The following TLK1 variants were observed in gnomAD, a reference collection of about 807,000 sequenced individuals.
TLK1 encodes tousled like kinase 1.
In TLK1, 24 loss-of-function variants were observed where a neutral mutation model predicts 105.3. That is an observed-to-expected ratio of 0.23 (90% confidence interval 0.17 to 0.32). The LOEUF is 0.32. Among genes scored for constraint, TLK1 ranks in the 10% least tolerant of loss-of-function variants. The pLI is 1.00. For missense variants in TLK1, 558 were observed against 910.5 expected, an observed-to-expected ratio of 0.61 and a Z score of 4.98; for synonymous variants, 321 against 310.4, an observed-to-expected ratio of 1.03 and a Z score of -0.36.
At chr2:171,029,576 G>A (rs1449860386) in intron 11 of TLK1, among the ~76,000 whole-genome samples, 1 of 152,158 alleles carries the variant, frequency 6.6e-6, no homozygotes, top group Non-Finnish European at 1.5e-5. Context: ...TGACTCTCCT[G>A]CCTCAGTGTT....
intron 8 of TLK1, 64 bp downstream of exon 8, chr2:171,053,697 G>A: frequency 1.5e-6 from 2 of 1,298,462 alleles, no homozygotes; most frequent in Non-Finnish European, 2.1e-6. Flanking sequence ...AGTATTTTCT[G>A]AACAGTTTGA....
intron 12 of TLK1, among the ~76,000 whole-genome samples, chr2:171,017,905 T>G (rs1397458838): frequency 1.3e-5 from 2 of 152,240 alleles, no homozygotes; most frequent in South Asian, 2.1e-4. Flanking sequence ...GTCTTTCATC[T>G]TGTAAGTTAG....
At chr2:171,050,794 T>G (rs1687202073) in intron 8 of TLK1, among the ~76,000 whole-genome samples, 1 of 152,200 alleles carries the variant, frequency 6.6e-6, no homozygotes. Context: ...GTCTGATTAG[T>G]ACAGTGGCAA....
intron 1 of TLK1, among the ~76,000 whole-genome samples, chr2:171,187,370 G>A (rs1575651266): frequency 6.6e-6 from 1 of 152,294 alleles, no homozygotes; most frequent in East Asian, 1.9e-4. Context: ...TGTTTGGCCT[G>A]ATAACTCAGG....
At chr2:170,997,468 A>C (rs191013249) in intron 19 of TLK1, among the ~76,000 whole-genome samples, 7 of 152,294 alleles carry the variant, frequency 4.6e-5, no homozygotes, top group Admixed American at 2.6e-4. Flanking sequence ...AAATATTAGC[A>C]TGTTAACAGA....
In TLK1 at chr2:170,991,981, G is replaced by A. The variant is rs910733089; in HGVS notation, c.*1799C>T. The A allele has an allele frequency of 6.6e-6, 1 of 151,970 alleles. No homozygotes were observed. Among genetic ancestry groups the A allele is most frequent in the African/African-American group, 2.4e-5 (1 of 41,380 alleles). The allele number at this position is 151,970 out of a possible 1,614,324, so 9.4% of individuals were successfully genotyped here. A position where few individuals can be genotyped will look rare whatever the true frequency, so the allele number is the denominator to read the frequency against. On this transcript the variant is annotated 3_prime_UTR_variant, in exon 21 of 21. Coordinates refer to ENST00000431350, the MANE Select transcript of TLK1 (RefSeq NM_012290.5). ...CTTAAACCACTCTTGATGGTTCTAAGTGTTACTTACCCAGGAGTTGCCTTG... is the reference window on the plus strand; with the variant it reads ...CTTAAACCACTCTTGATGGTTCTAAATGTTACTTACCCAGGAGTTGCCTTG...
intron 18 of TLK1, among the ~76,000 whole-genome samples, chr2:171,003,273 CAAAAAAAAAAA>C (rs777049271): frequency 1.9e-3 from 131 of 68,500 alleles, no homozygotes; most frequent in Middle Eastern, 9.8e-3. Flanking sequence ...GACTCCGTCT[CAAAAAAAAAAA>C]AAAAAAAAAA....
At chr2:171,105,513 C>T (rs947797197) in intron 2 of TLK1, among the ~76,000 whole-genome samples, 25 of 152,004 alleles carry the variant, frequency 1.6e-4, no homozygotes, top group African/African-American at 5.8e-4. Context: ...TGGTGAAACG[C>T]CATCTCTACT....
intron 1 of TLK1, among the ~76,000 whole-genome samples, chr2:171,141,201 T>C (rs747636762): frequency 4.6e-5 from 7 of 152,126 alleles, no homozygotes; most frequent in Admixed American, 6.6e-5. Context: ...CGAAGTGATA[T>C]AGTCTGAGAA....
intron 3 of TLK1, among the ~76,000 whole-genome samples, chr2:171,067,889 G>A (rs1265300965): frequency 6.6e-6 from 1 of 152,124 alleles, no homozygotes; most frequent in African/African-American, 2.4e-5. Context: ...TTCTGTTCTT[G>A]TGTTAGTTTG....
At chr2:171,189,927 C>T (rs1030658205) in intron 1 of TLK1, among the ~76,000 whole-genome samples, 2 of 151,010 alleles carry the variant, frequency 1.3e-5, no homozygotes, top group Non-Finnish European at 2.9e-5. Flanking sequence ...AGAGCGAGAC[C>T]CTGTCTCAAA....
chr2:171,170,235 A>C (rs978448586), intron 1 of TLK1, among the ~76,000 whole-genome samples: 12 of 152,388 alleles, frequency 7.9e-5, no homozygotes, highest in African/African-American at 2.6e-4. Flanking sequence ...AATATGTAGT[A>C]AGCAAGCTTG....
intron 3 of TLK1, among the ~76,000 whole-genome samples, chr2:171,063,661 C>G (rs1687859005): frequency 6.6e-6 from 1 of 152,112 alleles, no homozygotes; most frequent in Non-Finnish European, 1.5e-5. Context: ...CAAAATGGTT[C>G]TGTACCATTT....
At chr2:171,147,171 C>T (rs892110692) in intron 1 of TLK1, among the ~76,000 whole-genome samples, 1 of 152,170 alleles carries the variant, frequency 6.6e-6, no homozygotes, top group African/African-American at 2.4e-5. Flanking sequence ...CAAGGACTAA[C>T]TTCATCATAT....
chr2:171,180,951 G>T (rs1692919364), intron 1 of TLK1, among the ~76,000 whole-genome samples: 1 of 151,076 alleles, frequency 6.6e-6, no homozygotes, highest in Admixed American at 6.6e-5. Context: ...TTTAAAATAT[G>T]ATTAACTCTG....
intron 1 of TLK1, among the ~76,000 whole-genome samples, chr2:171,142,920 A>G (rs1424497265): frequency 6.6e-6 from 1 of 152,210 alleles, no homozygotes; most frequent in African/African-American, 2.4e-5. Flanking sequence ...GTCAAATCAG[A>G]AATCAGGGCT....
Position 171,055,328 on chromosome 2 carries a change from T to C in TLK1, c.550-156A>G, listed in dbSNP as rs141371218. Among the ~76,000 whole-genome samples, 39 of 152,004 alleles carry C rather than the reference T, an allele frequency of 2.6e-4. 1 individual carries two copies. The East Asian group carries it at 5.8e-3, about 23-fold the overall frequency. On this transcript the variant is annotated intron_variant, in intron 6 of 20. Coordinates refer to ENST00000431350, the MANE Select transcript of TLK1 (RefSeq NM_012290.5). ...AAACATAATTGACTTTTAAAACCTT[T>C]AATCACCATTTATTCAACAAGTGTT... is the stretch of plus-strand genomic sequence containing the variant.
chr2:170,998,501 A>C (rs1684191389), intron 18 of TLK1, among the ~76,000 whole-genome samples: 1 of 152,014 alleles, frequency 6.6e-6, no homozygotes, highest in South Asian at 2.1e-4. Flanking sequence ...TGCCTTCCCT[A>C]ATCACTCCAA....
intron 8 of TLK1, among the ~76,000 whole-genome samples, chr2:171,051,572 A>C (rs1687239813): frequency 6.6e-6 from 1 of 152,228 alleles, no homozygotes; most frequent in Non-Finnish European, 1.5e-5. Context: ...TGAACTAACA[A>C]TGACAAGGTC....
Sources: allele counts gnomAD v4.1 joint callset (sites outside exome capture counted in the v4.1 genomes callset), GRCh38; gene constraint gnomAD v4.1.1; transcripts MANE v1.5; gene names NCBI Gene and HGNC (gene_info 2026-07-23, HGNC 2026-07-21).